COL1A1: variants seen among roughly 807,000 people sequenced by gnomAD.
COL1A1 encodes the protein collagen alpha-1(I) chain.
Under a neutral mutation model 195.7 loss-of-function variants are expected in COL1A1, and 21 were observed. The observed-to-expected ratio is 0.11, with a 90% CI of 0.08 to 0.15. The LOEUF (loss-of-function observed/expected upper bound fraction) is 0.15. Among genes scored for constraint, COL1A1 ranks in the 10% least tolerant of loss-of-function variants. The pLI is 1.00. For missense variants in COL1A1, 1,365 were observed against 2,051.0 expected, an observed-to-expected ratio of 0.67 and a Z score of 6.46; for synonymous variants, 749 against 747.3, an observed-to-expected ratio of 1.00 and a Z score of -0.04.
intron 28 of COL1A1, 25 bp downstream of exon 28, chr17:50,192,615 C>T (rs969117643): frequency 6.8e-6 from 11 of 1,614,086 alleles, no homozygotes; most frequent in Non-Finnish European, 9.3e-6. Context: ...TACCTCCCAG[C>T]ATCCTGACAG....
In COL1A1 at chr17:50,186,169, G is replaced by T; in HGVS notation, c.4005+148C>A. The T allele has an allele frequency of 6.6e-7, 1 of 1,509,666 alleles. No individual in the cohort carries two copies. Among genetic ancestry groups the T allele is most frequent in the Non-Finnish European group, 9.0e-7 (1 of 1,106,696 alleles). 93.5% of individuals were successfully genotyped at this position (1,509,666 alleles called of 1,614,324 possible). On this transcript the variant is annotated intron_variant, in intron 49 of 50. Coordinates refer to ENST00000225964, the MANE Select transcript of COL1A1 (RefSeq NM_000088.4). The surrounding 1 kb of genome is among the most constrained non-coding windows in gnomAD (Gnocchi z 5.3). The stretch of plus-strand genomic sequence containing the variant: ...ACCTGCCCATCGGCAGCCTGTGTCT[G>T]AACCACTATCAGGGACCTGAGACCC...
intron 2 of COL1A1, 26 bp from the exon 3 acceptor site, chr17:50,199,616 G>C (rs745987379): frequency 6.2e-7 from 1 of 1,614,020 alleles, no homozygotes; most frequent in Admixed American, 1.7e-5. Flanking sequence ...ACGCGCGTTA[G>C]AGCCAAGGTT....
Position 50,198,015 on chromosome 17 carries a change from G to A in COL1A1, c.589-13C>T, listed in dbSNP as rs772659730. The A allele has an allele frequency of 1.2e-6, 2 of 1,613,936 alleles. No individual in the cohort carries two copies. The highest frequency in any genetic ancestry group is 2.2e-5 in the South Asian group (2 of 91,072). The stretch of plus-strand genomic sequence containing the variant: ...AGCCTTGGGGACCCTTGAGAAGAAG[G>A]AAAAAGATGGGTTAGAAGACAAGTC... On this transcript the variant is annotated splice_polypyrimidine_tract_variant and intron_variant, in intron 7 of 50. Transcript: ENST00000225964.
rs1252540193 is a variant in COL1A1, at chr17:50,186,543, G to A, written c.3815-36C>T. The A allele has an allele frequency of 1.2e-6, 2 of 1,613,964 alleles. No individual in the cohort carries two copies. Among genetic ancestry groups the A allele is most frequent in the East Asian group, 4.5e-5 (2 of 44,866 alleles). On this transcript the variant is annotated intron_variant, in intron 48 of 50. Transcript: ENST00000225964. The surrounding 1 kb of genome is among the most constrained non-coding windows in gnomAD (Gnocchi z 5.3). ...GCAGGGCAAGATGGAGTCAGGGAAA[G>A]GGAGCAGCCAGCACCATATGGTAGG... is the stretch of plus-strand genomic sequence containing the variant.
intron 31 of COL1A1, 112 bp downstream of exon 31, chr17:50,191,676 A>T: frequency 7.8e-7 from 1 of 1,279,638 alleles, no homozygotes; most frequent in Non-Finnish European, 1.1e-6. Flanking sequence ...TTTTCCCCCC[A>T]CCCCACACCC....
chr17:50,197,900 A>T, intron 8 of COL1A1, 49 bp downstream of exon 8: 1 of 1,600,044 alleles, frequency 6.2e-7, no homozygotes, highest in Non-Finnish European at 8.6e-7. Flanking sequence ...TCTATAGGAG[A>T]GTCTGTGTGT....
chr17:50,189,567 C>T lies in COL1A1; in HGVS notation c.2668-29G>A, dbSNP rs1423290259. The T allele has an allele frequency of 6.2e-7, 1 of 1,613,080 alleles. No individual in the cohort carries two copies. The highest frequency in any genetic ancestry group is 1.7e-5 in the Admixed American group (1 of 59,950). On this transcript the variant is annotated intron_variant, in intron 38 of 50. Transcript: ENST00000225964. The surrounding 1 kb of genome is among the most constrained non-coding windows in gnomAD (Gnocchi z 5.5). ...GATGAGGATAGGAGGGGCTGTCAGA[C>T]TCCAGGGGGCTCTGGTGCATCATTG...
In COL1A1 at chr17:50,186,814, G is replaced by A. The variant is rs2144537191; in HGVS notation, c.3640C>T (p.Arg1214Cys). The A allele has an allele frequency of 1.2e-6, 2 of 1,614,124 alleles. No homozygotes were observed. The highest frequency in any genetic ancestry group is 1.7e-6 in the Non-Finnish European group (2 of 1,180,048). Residue 1214 changes from arginine (R) to cysteine (C), a missense_variant, in exon 48 of 51, where the codon CGC (arginine) becomes TGC (cysteine). Arg to Cys is a radical substitution (Grantham distance 180). This residue lies in a region of COL1A1 where 671 missense variants were observed against 1,099.9 expected (regional missense o/e 0.61). Coordinates refer to ENST00000225964, the MANE Select transcript of COL1A1 (RefSeq NM_000088.4). The surrounding 1 kb of genome is among the most constrained non-coding windows in gnomAD (Gnocchi z 5.3). ...PPQEKAHDGG[R>C]YYRADDANVV... ...TTGGCATCATCAGCCCGGTAGTAGC[G>A]GCCACCATCGTGAGCCTTCTCTTGA...
Position 50,195,068 on chromosome 17 carries a change from G to A in COL1A1, c.1332C>T (p.Asp444=). Residue 444 remains aspartate, a synonymous_variant, in exon 20 of 51, where the codon GAC becomes GAT. Coordinates refer to ENST00000225964, the MANE Select transcript of COL1A1 (RefSeq NM_000088.4). This position sits in a 1 kb window ranked among gnomAD's most constrained non-coding sequence, Gnocchi z 4.3. The part of the protein sequence containing the change: ...GEPGAPGSKG[D]TGAKGEPGPV... Reference sequence around the variant, plus strand: ...TTACAGGCTCTCCCTTAGCACCAGTGTCTCCTTTGCTGCCAGGAGCACCAG... The same window carrying A: ...TTACAGGCTCTCCCTTAGCACCAGTATCTCCTTTGCTGCCAGGAGCACCAG... 2 of 1,613,650 alleles carry A rather than the reference G, an allele frequency of 1.2e-6. No homozygotes were observed. Among genetic ancestry groups the A allele is most frequent in the Non-Finnish European group, 1.7e-6 (2 of 1,179,858 alleles).
intron 8 of COL1A1, 74 bp from the exon 9 acceptor site, chr17:50,197,859 A>G: frequency 6.3e-7 from 1 of 1,580,912 alleles, no homozygotes; most frequent in Non-Finnish European, 8.7e-7. Context: ...TGAAGGGAAG[A>G]GGTAAGGAAG....
rs368246367 is a variant in COL1A1 at position 50,198,472 on chromosome 17, A to C, written c.504T>G (p.Asp168Glu). Residue 168 changes from aspartate to glutamate, a missense_variant, in exon 6 of 51, where the codon GAT becomes GAG. Asp to Glu is a conservative substitution (Grantham distance 45). Coordinates refer to ENST00000225964, the MANE Select transcript of COL1A1 (RefSeq NM_000088.4). The stretch of plus-strand genomic sequence containing the variant: ...CGGAAATTCCTCCGGTTGATTTCTC[A>C]TCATAGCCATAAGACAGCTGGGGAG... ...NFAPQLSYGY[D>E]EKSTGGISVP... 10 of 1,613,398 alleles carry C rather than the reference A, an allele frequency of 6.2e-6. No homozygotes were observed. The African/African-American group carries it at 1.3e-4, about 22-fold the overall frequency.
rs1428939975 is a variant in COL1A1 at position 50,187,054 on chromosome 17, G to T, written c.3492C>A (p.Pro1164=). Residue 1164 remains proline, a synonymous_variant, in exon 47 of 51, where the codon CCC becomes CCA. Transcript: ENST00000225964. Reference sequence around the variant, plus strand: ...CACCAGTGCGACCGCGAGGACCAGGGGGCCCAATGGGGCCAGGGAGACCGT... The same window carrying T: ...CACCAGTGCGACCGCGAGGACCAGGTGGCCCAATGGGGCCAGGGAGACCGT... ...GLNGLPGPIG[P]PGPRGRTGDA... 3.7e-6 allele frequency: 6 copies of T among 1,613,834 alleles called. No homozygotes were observed. Among genetic ancestry groups the T allele is most frequent in the Non-Finnish European group, 5.1e-6 (6 of 1,179,926 alleles).
Position 50,186,391 on chromosome 17 carries a change from T to G in COL1A1, c.3931A>C (p.Asn1311His). The change falls in exon 49 of 51, where the codon AAC (asparagine) becomes CAC (histidine). Residue 1311 changes from asparagine to histidine, a missense_variant. Transcript: ENST00000225964. The surrounding 1 kb of genome is among the most constrained non-coding windows in gnomAD (Gnocchi z 5.3). ...TTGGGGTTCTTGCTGATGTACCAGT[T>G]CTTCTGGGCCACACTGGGCTGAGTG... is the stretch of plus-strand genomic sequence containing the variant. ...YPTQPSVAQK[N>H]WYISKNPKDK... 1 of 1,614,174 alleles carries G rather than the reference T, an allele frequency of 6.2e-7. No homozygotes were observed. The highest frequency in any genetic ancestry group is 1.1e-5 in the South Asian group (1 of 91,086).
chr17:50,192,413 G>A (rs892739408), intron 29 of COL1A1, 62 bp downstream of exon 29: 36 of 1,521,138 alleles, frequency 2.4e-5, no homozygotes, highest in African/African-American at 8.3e-5. Context: ...AGCTAGGAGC[G>A]GGGGCCTGTC....
chr17:50,188,907 C>T lies in COL1A1; in HGVS notation c.3041G>A (p.Arg1014His), dbSNP rs979875280. ...TGGGGGCTGGGGACTGCTCACCTCA[C>T]GTCCAGATTCACCAGGGGGTCCAGC... is the stretch of plus-strand genomic sequence containing the variant. ...GLAGPPGESG[R>H]EGAPGAEGSP... The change falls in exon 41 of 51, where the codon CGT becomes CAT. Residue 1014 changes from arginine to histidine, a missense_variant. This residue lies in a region of COL1A1 where 671 missense variants were observed against 1,099.9 expected (regional missense o/e 0.61). Coordinates refer to ENST00000225964, the MANE Select transcript of COL1A1 (RefSeq NM_000088.4). This position sits in a 1 kb window ranked among gnomAD's most constrained non-coding sequence, Gnocchi z 5.6. The T allele has an allele frequency of 9.4e-6, 15 of 1,600,222 alleles. No individual in the cohort carries two copies. The highest frequency in any genetic ancestry group is 4.0e-5 in the African/African-American group (3 of 74,494).
At chr17:50,201,046 C>G (rs1908048339) in intron 1 of COL1A1, among the ~76,000 whole-genome samples, 1 of 152,274 alleles carries the variant, frequency 6.6e-6, no homozygotes, top group Non-Finnish European at 1.5e-5. Context: ...ATCCCACGGC[C>G]TTCCTGATTG....
chr17:50,187,087 A>G lies in COL1A1; in HGVS notation c.3459T>C (p.Asp1153=), dbSNP rs1800218. The change falls in exon 47 of 51, where the codon GAT becomes GAC. Residue 1153 remains aspartate, a synonymous_variant. Coordinates refer to ENST00000225964, the MANE Select transcript of COL1A1 (RefSeq NM_000088.4). Reference sequence around the variant, plus strand: ...TGGGGCCAGGGAGACCGTTGAGTCCATCTTTGCCAGGAGCACCAGCAGAGC... The same window carrying G: ...TGGGGCCAGGGAGACCGTTGAGTCCGTCTTTGCCAGGAGCACCAGCAGAGC... ...PPGSAGAPGK[D]GLNGLPGPIG... 15,110 of 1,613,008 alleles carry G rather than the reference A, an allele frequency of 9.4e-3. 896 individuals carry two copies. The African/African-American group carries it at 0.15, about 16-fold the overall frequency.
intron 25 of COL1A1, 163 bp downstream of exon 25, chr17:50,193,780 C>G (rs1598294828): frequency 1.4e-6 from 1 of 728,426 alleles, no homozygotes; most frequent in Non-Finnish European, 2.5e-6. Context: ...CGTGCCCCGC[C>G]GAGAAGTCTT....
rs1258401977 is a variant in COL1A1, at chr17:50,184,203, C to G, written c.*1299G>C. 3 of 228,756 alleles carry G rather than the reference C, an allele frequency of 1.3e-5. No individual in the cohort carries two copies. In the East Asian group the frequency reaches 1.9e-4, roughly 14 times the overall value. 14.2% of individuals were successfully genotyped at this position (228,756 alleles called of 1,614,324 possible). On this transcript the variant is annotated 3_prime_UTR_variant, in exon 51 of 51. Transcript: ENST00000225964. ...TAGGTACAGAGTCTTTTGCTTCCTCCCACCCCTAGGGGGAAAAACTGCTTT... is the reference window on the plus strand; with the variant it reads ...TAGGTACAGAGTCTTTTGCTTCCTCGCACCCCTAGGGGGAAAAACTGCTTT...
Sources: allele counts gnomAD v4.1 joint callset (sites outside exome capture counted in the v4.1 genomes callset), GRCh38; gene constraint gnomAD v4.1.1; regional missense constraint gnomAD v4.1.1; non-coding constraint Gnocchi (gnomAD v3.1); transcripts MANE v1.5; gene names NCBI Gene and HGNC (gene_info 2026-07-23, HGNC 2026-07-21).